MRPL37: variants seen among roughly 807,000 people sequenced by gnomAD.
The protein encoded by MRPL37 is large ribosomal subunit protein mL37.
MRPL37 carries 34 observed loss-of-function variants against 44.1 expected under a neutral mutation model. The observed-to-expected ratio is 0.77, with a 90% CI of 0.59 to 1.03. MRPL37 has a LOEUF of 1.03. Among genes scored for constraint, MRPL37 ranks in the 50% least tolerant of loss-of-function variants. The pLI, the probability that MRPL37 is intolerant of heterozygous loss-of-function variation, is 0.00. For missense variants in MRPL37, 532 were observed against 543.7 expected (o/e 0.98, Z 0.21); for synonymous variants, 212 against 219.5 (o/e 0.97, Z 0.30).
downstream of MRPL37, among the ~76,000 whole-genome samples, chr1:54,223,948 T>C (rs945174477): frequency 6.6e-6 from 1 of 152,224 alleles, no homozygotes; most frequent in African/African-American, 2.4e-5. Flanking sequence ...CCAGGGCCAT[T>C]TGTGTTGTGA....
chr1:54,218,265 G>C lies in MRPL37; in HGVS notation c.*16G>C. The C allele has an allele frequency of 6.2e-7, 1 of 1,614,172 alleles. No individual in the cohort carries two copies. Among genetic ancestry groups the C allele is most frequent in the South Asian group, 1.1e-5 (1 of 91,074 alleles). On this transcript the variant is annotated 3_prime_UTR_variant, in exon 7 of 7. Coordinates refer to ENST00000360840, the MANE Select transcript of MRPL37 (RefSeq NM_016491.4). ...TGCTGCGTGAGCGGAGGACCCCTCT[G>C]AATCCTGAAACCCCTCTTGCCTCTC...
Position 54,216,301 on chromosome 1 carries a change from A to G in MRPL37, c.1151A>G (p.Gln384Arg). ...GTGGACTCAGACCAGCTCCTCTATC[A>G]GCATTTTTGGTGTCTCCCAGTGATC... ...AWVDSDQLLY[Q>R]HFWCLPVIKK... Residue 384 changes from glutamine to arginine, a missense_variant, in exon 6 of 7, where the codon CAG (glutamine) becomes CGG (arginine). Transcript: ENST00000360840. The G allele has an allele frequency of 1.2e-6, 2 of 1,614,146 alleles. No individual in the cohort carries two copies. The highest frequency in any genetic ancestry group is 8.5e-7 in the Non-Finnish European group (1 of 1,180,016).
At chr1:54,210,297 C>T (rs1361899885) in intron 4 of MRPL37, among the ~76,000 whole-genome samples, 166 bp downstream of exon 4, 1 of 152,172 alleles carries the variant, frequency 6.6e-6, no homozygotes, top group African/African-American at 2.4e-5. Flanking sequence ...CTATTATCTC[C>T]ATTTCATAGG....
chr1:54,208,428 A>G (rs1190480166), intron 3 of MRPL37, among the ~76,000 whole-genome samples: 1 of 151,326 alleles, frequency 6.6e-6, no homozygotes. Flanking sequence ...GGGCACCCAT[A>G]GTCCCAGCTA....
rs34922293 is a variant in MRPL37 at position 54,208,358 on chromosome 1, C to T, written c.647-1588C>T. Among the ~76,000 whole-genome samples, 85 of 152,014 alleles carry T rather than the reference C, an allele frequency of 5.6e-4. 1 individual carries two copies. The East Asian group carries it at 0.014, about 26-fold the overall frequency. ...GAGATCAAGACCATCCTGGCTATCA[C>T]GGTGAAACCCGGTCTCTACTAAAAA... On this transcript the variant is annotated intron_variant, in intron 3 of 6. Coordinates refer to ENST00000360840, the MANE Select transcript of MRPL37 (RefSeq NM_016491.4).
intron 5 of MRPL37, among the ~76,000 whole-genome samples, 166 bp downstream of exon 5, chr1:54,212,824 TA>T (rs1020759405): frequency 6.6e-6 from 1 of 152,152 alleles, no homozygotes; most frequent in African/African-American, 2.4e-5. Flanking sequence ...CCAACATCAC[TA>T]GGGGGTGACT....
chr1:54,200,639 C>T (rs756099948), intron 1 of MRPL37, 50 bp downstream of exon 1: 1 of 1,515,400 alleles, frequency 6.6e-7, no homozygotes, highest in Admixed American at 2.1e-5. Context: ...TAACCAGCAC[C>T]GACCCCGACC....
At chr1:54,201,271 AG>A (rs538474417) in intron 1 of MRPL37, among the ~76,000 whole-genome samples, 295 of 152,148 alleles carry the variant, frequency 1.9e-3, no homozygotes, top group Middle Eastern at 3.5e-3. Flanking sequence ...AGGAGTGATT[AG>A]GGGGGAAAAA....
At chr1:54,212,436 TC>T in intron 4 of MRPL37, 64 bp from the exon 5 acceptor site, 1 of 1,580,826 alleles carries the variant, frequency 6.3e-7, no homozygotes, top group African/African-American at 1.3e-5. Flanking sequence ...GAGGTGACTT[TC>T]CTGAGGCTTT....
intron 5 of MRPL37, among the ~76,000 whole-genome samples, chr1:54,215,862 C>CTGGAAATCGCCTCTCAG (rs1644193403): frequency 6.6e-6 from 1 of 152,190 alleles, no homozygotes; most frequent in African/African-American, 2.4e-5. Context: ...TCTGGCTTGC[C>CTGGAAATCGCCTCTCAG]TGGAAATCGC....
intron 1 of MRPL37, 34 bp downstream of exon 1, chr1:54,200,623 T>C: frequency 2.2e-5 from 34 of 1,564,272 alleles, no homozygotes; most frequent in Non-Finnish European, 3.0e-5. Flanking sequence ...AGGGACCGTG[T>C]TCCTCTAACC....
At chr1:54,202,491 C>T (rs982500956) in intron 1 of MRPL37, among the ~76,000 whole-genome samples, 3 of 151,952 alleles carry the variant, frequency 2.0e-5, no homozygotes, top group African/African-American at 7.3e-5. Flanking sequence ...TCCTTCCTTT[C>T]TCTCTGTCTC....
chr1:54,207,468 T>C (rs1218519238), intron 3 of MRPL37: 1 of 152,204 alleles, frequency 6.6e-6, no homozygotes, highest in African/African-American at 2.4e-5. Context: ...TCAGGATTTG[T>C]GTATAGACTT....
intron 3 of MRPL37, among the ~76,000 whole-genome samples, chr1:54,208,376 A>G (rs752559495): frequency 2.0e-5 from 3 of 151,934 alleles, no homozygotes; most frequent in South Asian, 2.1e-4. Context: ...CCCGGTCTCT[A>G]CTAAAAATAC....
At chr1:54,203,003 C>CTATT (rs1644095548) in intron 1 of MRPL37, among the ~76,000 whole-genome samples, 1 of 152,138 alleles carries the variant, frequency 6.6e-6, no homozygotes, top group Non-Finnish European at 1.5e-5. Context: ...TATGCATGTT[C>CTATT]CTCCCTTAGA....
At chr1:54,224,866 C>CTG (rs1276412606), downstream of MRPL37, among the ~76,000 whole-genome samples, 2,436 of 152,244 alleles carry the variant, frequency 0.016, 47 homozygotes, top group East Asian at 0.069. Context: ...CACCAGCATA[C>CTG]ACTTTCCAAA....
At position 54,205,250 on chromosome 1, in the gene MRPL37, C is replaced by T. The variant is rs191416273; in HGVS notation, c.531-45C>T. On this transcript the variant is annotated intron_variant, in intron 2 of 6. Coordinates refer to ENST00000360840, the MANE Select transcript of MRPL37 (RefSeq NM_016491.4). ...ATTTCCTACTAATGGATCTTCGAGTCGACCTGTTGCTTTAAGTCCCCAAAT... is the reference window on the plus strand; with the variant it reads ...ATTTCCTACTAATGGATCTTCGAGTTGACCTGTTGCTTTAAGTCCCCAAAT... 22 of 1,607,140 alleles carry T rather than the reference C, an allele frequency of 1.4e-5. No homozygotes were observed. In the African/African-American group the frequency reaches 2.1e-4, roughly 16 times the overall value.
chr1:54,219,263 T>C (rs1644218185), downstream of MRPL37, among the ~76,000 whole-genome samples: 1 of 152,266 alleles, frequency 6.6e-6, no homozygotes, highest in Non-Finnish European at 1.5e-5. Context: ...TTTGTTGGTC[T>C]GTAATTCCTG....
chr1:54,204,181 G>A (rs35007745), intron 1 of MRPL37, among the ~76,000 whole-genome samples: 121 of 152,268 alleles, frequency 7.9e-4, no homozygotes, highest in African/African-American at 2.7e-3. Context: ...TCAGGAGTTC[G>A]AGACCAGCGT....
Sources: gnomAD v4.1 joint callset for allele counts (sites outside exome capture counted in the v4.1 genomes callset) on GRCh38, gnomAD v4.1.1 for gene constraint, MANE v1.5 for transcripts, NCBI Gene and HGNC (gene_info 2026-07-23, HGNC 2026-07-21) for gene names.